EIF4G3: variants seen among roughly 807,000 people sequenced by gnomAD.
EIF4G3 encodes the protein eukaryotic translation initiation factor 4 gamma 3.
In EIF4G3, 34 loss-of-function variants were observed where a neutral mutation model predicts 186.4. That is an observed-to-expected ratio of 0.18 (90% CI 0.14 to 0.24). EIF4G3 has a LOEUF of 0.24. Ranked by LOEUF, EIF4G3 falls within the 10% of genes least tolerant of loss-of-function variation. The probability of loss-of-function intolerance (pLI) is 1.00; values close to 1 mark genes in which losing one functional copy is unlikely to be tolerated. For synonymous variants in EIF4G3, 673 were observed against 679.5 expected (o/e 0.99, Z 0.15); for missense variants, 1,536 against 1,948.5 (o/e 0.79, Z 3.99).
In EIF4G3 at chr1:20,973,041, C is replaced by T. The variant is rs759935360; in HGVS notation, c.552G>A (p.Thr184=). ...VYQSAPIIVP[T]QQQPPPAKRE... Reference sequence around the variant, plus strand: ...TCTTGGCTGGAGGCGGCTGTTGCTGCGTAGGCACTATGATAGGTGCTGACT... The same window carrying T: ...TCTTGGCTGGAGGCGGCTGTTGCTGTGTAGGCACTATGATAGGTGCTGACT... Residue 184 remains threonine, a synonymous_variant, in exon 11 of 37, where the codon ACG becomes ACA. Coordinates refer to ENST00000602326, the MANE Select transcript of EIF4G3 (RefSeq NM_001391906.1). The T allele has an allele frequency of 1.2e-5, 20 of 1,609,754 alleles. No individual in the cohort carries two copies. In the East Asian group the frequency reaches 1.6e-4, roughly 13 times the overall value.
chr1:21,114,148 C>CT (rs760394574), intron 2 of EIF4G3, among the ~76,000 whole-genome samples: 206 of 144,272 alleles, frequency 1.4e-3, no homozygotes, highest in Middle Eastern at 3.6e-3. Flanking sequence ...GAAAGCTGTA[C>CT]TTTTTTTTTT....
chr1:20,848,633 G>A (rs1020403591), intron 29 of EIF4G3, among the ~76,000 whole-genome samples: 3 of 152,150 alleles, frequency 2.0e-5, no homozygotes, highest in Non-Finnish European at 2.9e-5. Flanking sequence ...GAAATCTCTG[G>A]CTTAGGCTGT....
intron 10 of EIF4G3, among the ~76,000 whole-genome samples, chr1:20,979,829 C>A (rs1449679008): frequency 2.0e-5 from 3 of 151,442 alleles, no homozygotes; most frequent in Non-Finnish European, 1.5e-5. Context: ...CGGCTCACTG[C>A]AAGCTCTGCC....
At chr1:21,015,030 A>G (rs1333359677) in intron 4 of EIF4G3, among the ~76,000 whole-genome samples, 1 of 151,982 alleles carries the variant, frequency 6.6e-6, no homozygotes, top group Non-Finnish European at 1.5e-5. Flanking sequence ...CAGAAAAAAG[A>G]TACATAAATA....
At chr1:20,883,958 G>A (rs759556104) in intron 19 of EIF4G3, among the ~76,000 whole-genome samples, 9 of 152,094 alleles carry the variant, frequency 5.9e-5, no homozygotes, top group Non-Finnish European at 1.0e-4. Flanking sequence ...GAGAATGCAG[G>A]GAATCCTAGG....
chr1:21,027,486 C>T (rs533440429), intron 4 of EIF4G3, among the ~76,000 whole-genome samples: 2 of 150,946 alleles, frequency 1.3e-5, no homozygotes, highest in Non-Finnish European at 3.0e-5. Flanking sequence ...AAAAATTAGC[C>T]GGGCATGGTG....
chr1:20,947,577 C>T (rs2096019002), intron 13 of EIF4G3, among the ~76,000 whole-genome samples: 2 of 122,120 alleles, frequency 1.6e-5, no homozygotes, highest in South Asian at 5.3e-4. Context: ...AACGAGAGAG[C>T]AAGAGAAAGA....
At chr1:20,904,088 T>C (rs1056454531) in intron 15 of EIF4G3, among the ~76,000 whole-genome samples, 2 of 152,316 alleles carry the variant, frequency 1.3e-5, no homozygotes, top group South Asian at 2.1e-4. Context: ...GGACTTGGTA[T>C]GTTTTAATCT....
Position 21,077,751 on chromosome 1 carries a change from A to G in EIF4G3, c.-196+11387T>C, listed in dbSNP as rs577794384. Among the ~76,000 whole-genome samples, 6 of 151,976 alleles carry G rather than the reference A, an allele frequency of 3.9e-5. No homozygotes were observed. In the South Asian group the frequency reaches 1.2e-3, roughly 32 times the overall value. ...CAAAATTAGCCAGGCGTGGTGGCGC[A>G]TGCCTGTAATCCCAGATACTCAGGA... On this transcript the variant is annotated intron_variant, in intron 3 of 36. Transcript: ENST00000602326.
chr1:21,061,124 G>A (rs1460866038), intron 3 of EIF4G3, among the ~76,000 whole-genome samples: 1 of 152,054 alleles, frequency 6.6e-6, no homozygotes, highest in Non-Finnish European at 1.5e-5. Context: ...TTAAGTTTAT[G>A]GCTTGAAAGA....
intron 7 of EIF4G3, among the ~76,000 whole-genome samples, chr1:20,987,562 T>C (rs535702722): frequency 1.3e-5 from 2 of 152,356 alleles, no homozygotes; most frequent in South Asian, 2.1e-4. Flanking sequence ...ATATCTGTTA[T>C]GGTGATGTGT....
chr1:21,016,843 C>T lies in EIF4G3; in HGVS notation c.-66-14035G>A, dbSNP rs183431114. On this transcript the variant is annotated intron_variant, in intron 4 of 36. Coordinates refer to ENST00000602326, the MANE Select transcript of EIF4G3 (RefSeq NM_001391906.1). ...AATTAGCTGGGCATGGTGGTGTGCA[C>T]CTGTAGTCCTAGCTACTCGGGGGCC... Among the ~76,000 whole-genome samples, 1,037 of 151,964 alleles carry T rather than the reference C, an allele frequency of 6.8e-3. 13 individuals carry two copies. The highest frequency in any genetic ancestry group is 0.024 in the African/African-American group (983 of 41,426).
At chr1:20,947,575 A>C (rs1023194626) in intron 13 of EIF4G3, among the ~76,000 whole-genome samples, 1 of 133,212 alleles carries the variant, frequency 7.5e-6, no homozygotes, top group Non-Finnish European at 1.7e-5. Context: ...AGAACGAGAG[A>C]GCAAGAGAAA....
At position 21,070,079 on chromosome 1, in the gene EIF4G3, C is replaced by T. The variant is rs189440986; in HGVS notation, c.-196+19059G>A. Among the ~76,000 whole-genome samples, 125 of 152,182 alleles carry T rather than the reference C, an allele frequency of 8.2e-4. 1 individual carries two copies. The highest frequency in any genetic ancestry group is 2.6e-3 in the African/African-American group (107 of 41,524). On this transcript the variant is annotated intron_variant, in intron 3 of 36. Transcript: ENST00000602326. ...ATAAATTTAAGACCACAAAGGAAAA[C>T]GGCAAGCCACAACTTATTACTGCTA...
At position 21,125,760 on chromosome 1, in the gene EIF4G3, T is replaced by A. The variant is rs1051793028; in HGVS notation, c.-271-36547A>T. ...ATATAAATAAATATATATAATTTTT[T>A]TATATATATATACACACACACACAC... is the stretch of plus-strand genomic sequence containing the variant. On this transcript the variant is annotated intron_variant, in intron 2 of 36. Coordinates refer to ENST00000602326, the MANE Select transcript of EIF4G3 (RefSeq NM_001391906.1). 6.9e-4 allele frequency among the ~76,000 whole-genome samples: 80 copies of A among 115,484 alleles called. 1 individual carries two copies. Among genetic ancestry groups the A allele is most frequent in the African/African-American group, 2.1e-3 (60 of 28,366 alleles). The allele number at this position is 115,484 out of a possible 152,430, so 75.8% of individuals were successfully genotyped here. A position where few individuals can be genotyped will look rare whatever the true frequency, so the allele number is the denominator to read the frequency against.
At chr1:21,081,678 T>C (rs1449998986) in intron 3 of EIF4G3, among the ~76,000 whole-genome samples, 1 of 145,042 alleles carries the variant, frequency 6.9e-6, no homozygotes, top group African/African-American at 2.5e-5. Context: ...AGCCTTGCTC[T>C]ATTGCCCAAG....
rs574902201 is a variant in EIF4G3, at chr1:21,102,878, C to T, written c.-271-13665G>A. Among the ~76,000 whole-genome samples, 103 of 152,172 alleles carry T rather than the reference C, an allele frequency of 6.8e-4. 1 individual carries two copies. The highest frequency in any genetic ancestry group is 2.3e-3 in the African/African-American group (95 of 41,526). On this transcript the variant is annotated intron_variant, in intron 2 of 36. Coordinates refer to ENST00000602326, the MANE Select transcript of EIF4G3 (RefSeq NM_001391906.1). The stretch of plus-strand genomic sequence containing the variant: ...ACAAATGTCAAGAGAAAAAAATTAA[C>T]GTATCCATCCATAGCAAAAGGAACA...
At chr1:20,929,845 A>G (rs2154560973) in intron 14 of EIF4G3, among the ~76,000 whole-genome samples, 1 of 152,226 alleles carries the variant, frequency 6.6e-6, no homozygotes, top group African/African-American at 2.4e-5. Flanking sequence ...CTTACCACTA[A>G]ATTTTACTGC....
intron 4 of EIF4G3, among the ~76,000 whole-genome samples, chr1:21,005,538 T>C (rs544001332): frequency 1.7e-4 from 26 of 152,326 alleles, no homozygotes; most frequent in African/African-American, 6.3e-4. Flanking sequence ...GAATCCACTG[T>C]ATTTCATTGA....
Sources: allele counts gnomAD v4.1 joint callset (sites outside exome capture counted in the v4.1 genomes callset), GRCh38; gene constraint gnomAD v4.1.1; transcripts MANE v1.5; gene names NCBI Gene and HGNC (gene_info 2026-07-23, HGNC 2026-07-21).